Variants in LRMDA observed in about 807,000 individuals in gnomAD.
LRMDA encodes leucine-rich melanocyte differentiation-associated protein.
Under a neutral mutation model 29.8 loss-of-function variants are expected in LRMDA, and 18 were observed. That is an observed-to-expected ratio of 0.60 (90% CI 0.42 to 0.90). LRMDA has a LOEUF of 0.90. Ranked by LOEUF, LRMDA falls within the 40% of genes least tolerant of loss-of-function variation. The pLI, the probability that LRMDA is intolerant of heterozygous loss-of-function variation, is 0.00. For synonymous variants in LRMDA, 125 were observed against 109.4 expected, an observed-to-expected ratio of 1.14 and a Z score of -0.89; for missense variants, 273 against 273.9, an observed-to-expected ratio of 1.00 and a Z score of 0.02.
rs1337955969 is a variant in LRMDA, at chr10:75,584,759, T to C, written c.131+146265T>C. Among the ~76,000 whole-genome samples the C allele has an allele frequency of 2.0e-5, 3 of 152,168 alleles. No individual in the cohort carries two copies. In the East Asian group the frequency reaches 5.8e-4, roughly 29 times the overall value. ...GTCACTGACTGTAGCAGCAGGCAAC[T>C]AATGGCCAACAGCATTCTGACAGTG... is the stretch of plus-strand genomic sequence containing the variant. On this transcript the variant is annotated intron_variant, in intron 2 of 6. Transcript: ENST00000611255.
At chr10:76,223,987 C>T (rs1304725592) in intron 5 of LRMDA, among the ~76,000 whole-genome samples, 4 of 152,132 alleles carry the variant, frequency 2.6e-5, no homozygotes, top group African/African-American at 9.7e-5. Flanking sequence ...TACCTGCCAA[C>T]CATTCTGTTC....
Position 76,549,390 on chromosome 10 carries a change from C to A in LRMDA, c.602-7819C>A, listed in dbSNP as rs1396805836. On this transcript the variant is annotated intron_variant, in intron 6 of 6. Transcript: ENST00000611255. ...TGACAAGGCCCAGCATTTGTCTGAG[C>A]AGGCTGTATAATCTGTCCTCTCCCA... is the stretch of plus-strand genomic sequence containing the variant. Among the ~76,000 whole-genome samples the A allele has an allele frequency of 2.6e-5, 4 of 152,306 alleles. No homozygotes were observed. In the East Asian group the frequency reaches 7.7e-4, roughly 29 times the overall value.
In LRMDA at chr10:76,136,421, T is replaced by G. The variant is rs529313465; in HGVS notation, c.516+77638T>G. On this transcript the variant is annotated intron_variant, in intron 5 of 6. Coordinates refer to ENST00000611255, the MANE Select transcript of LRMDA (RefSeq NM_001305581.2). ...GAAAAAATTCCCCATGGAAACTTTA[T>G]ATTATAAGTTTGTTAAAACTGGCTC... 7.2e-5 allele frequency among the ~76,000 whole-genome samples: 11 copies of G among 152,308 alleles called. No individual in the cohort carries two copies. The East Asian group carries it at 2.1e-3, about 29-fold the overall frequency.
chr10:75,627,634 C>T (rs1332888636), intron 2 of LRMDA, among the ~76,000 whole-genome samples: 1 of 152,104 alleles, frequency 6.6e-6, no homozygotes, highest in East Asian at 1.9e-4. Context: ...CAATCAAAAG[C>T]AAGAGTGGAG....
intron 5 of LRMDA, among the ~76,000 whole-genome samples, chr10:76,281,191 A>T (rs772026778): frequency 8.5e-5 from 13 of 152,186 alleles, no homozygotes; most frequent in Non-Finnish European, 1.8e-4. Context: ...AGGCTGAGGA[A>T]AAGCCAAGGA....
At chr10:76,091,283 G>A (rs1246679776) in intron 5 of LRMDA, among the ~76,000 whole-genome samples, 1,055 of 53,520 alleles carry the variant, frequency 0.02, 9 homozygotes, top group African/African-American at 0.047. Context: ...GGACGTGTGT[G>A]TGTGTGTGTG....
intron 5 of LRMDA, among the ~76,000 whole-genome samples, chr10:76,177,998 G>A (rs1482199553): frequency 1.3e-5 from 2 of 152,200 alleles, no homozygotes; most frequent in Non-Finnish European, 2.9e-5. Flanking sequence ...CACATTGGCT[G>A]TTTGCCATAG....
intron 4 of LRMDA, among the ~76,000 whole-genome samples, chr10:76,053,078 T>C (rs1361914175): frequency 2.6e-5 from 4 of 152,212 alleles, no homozygotes; most frequent in African/African-American, 9.6e-5. Flanking sequence ...GTGTTATTAG[T>C]AGCTGTCTCT....
intron 5 of LRMDA, among the ~76,000 whole-genome samples, chr10:76,150,594 A>G (rs1333125321): frequency 1.3e-5 from 2 of 152,112 alleles, no homozygotes; most frequent in Non-Finnish European, 2.9e-5. Flanking sequence ...CATTAAGCGG[A>G]TGTTTGTGTG....
intron 2 of LRMDA, among the ~76,000 whole-genome samples, chr10:75,968,247 C>T (rs140529560): frequency 4.6e-5 from 7 of 152,078 alleles, no homozygotes; most frequent in East Asian, 1.9e-4. Flanking sequence ...GGGACCCTTC[C>T]GGAGGAGTGG....
chr10:75,804,583 G>T (rs1219272216), intron 2 of LRMDA, among the ~76,000 whole-genome samples: 1 of 152,154 alleles, frequency 6.6e-6, no homozygotes, highest in Non-Finnish European at 1.5e-5. Flanking sequence ...TTTCCTCCTG[G>T]CCCTGGCTGA....
rs996813810 is a variant in LRMDA at position 76,240,476 on chromosome 10, T to A, written c.517-83925T>A. On this transcript the variant is annotated intron_variant, in intron 5 of 6. Coordinates refer to ENST00000611255, the MANE Select transcript of LRMDA (RefSeq NM_001305581.2). ...GTTATATATTATATATATGTTATAT[T>A]TATATATGTTGGCATGGATGTGGTG... is the stretch of plus-strand genomic sequence containing the variant. Among the ~76,000 whole-genome samples, 316 of 145,940 alleles carry A rather than the reference T, an allele frequency of 2.2e-3. 2 individuals are homozygous for A. Among genetic ancestry groups the A allele is most frequent in the African/African-American group, 7.4e-3 (286 of 38,624 alleles).
intron 5 of LRMDA, among the ~76,000 whole-genome samples, chr10:76,220,968 T>C (rs1851821825): frequency 1.3e-5 from 2 of 152,060 alleles, no homozygotes; most frequent in South Asian, 4.2e-4. Context: ...TGGTTCAATA[T>C]ATGCAAATCA....
At chr10:76,286,452 A>C (rs1376800959) in intron 5 of LRMDA, among the ~76,000 whole-genome samples, 1 of 152,190 alleles carries the variant, frequency 6.6e-6, no homozygotes, top group Non-Finnish European at 1.5e-5. Flanking sequence ...AGTGGTTTTC[A>C]AACTGCATTT....
intron 6 of LRMDA, among the ~76,000 whole-genome samples, chr10:76,327,545 G>A (rs1173624803): frequency 3.3e-5 from 5 of 152,210 alleles, no homozygotes; most frequent in African/African-American, 1.2e-4. Context: ...GCCATAAGCT[G>A]TTGGGAAGAG....
At chr10:76,252,304 A>T (rs1270744399) in intron 5 of LRMDA, among the ~76,000 whole-genome samples, 5 of 152,224 alleles carry the variant, frequency 3.3e-5, no homozygotes, top group Non-Finnish European at 5.9e-5. Context: ...AGAGGAAAAA[A>T]GGATTGCAGA....
At chr10:76,488,228 A>T (rs1224421210) in intron 6 of LRMDA, among the ~76,000 whole-genome samples, 1 of 151,842 alleles carries the variant, frequency 6.6e-6, no homozygotes, top group Non-Finnish European at 1.5e-5. Flanking sequence ...AAAGACAATA[A>T]ACTACACATA....
At chr10:76,487,368 T>C (rs1042807616) in intron 6 of LRMDA, among the ~76,000 whole-genome samples, 3 of 151,556 alleles carry the variant, frequency 2.0e-5, no homozygotes, top group African/African-American at 7.3e-5. Context: ...AAATGAAAAA[T>C]ACAGGGAAAA....
At chr10:75,854,532 C>A (rs1047880527) in intron 2 of LRMDA, among the ~76,000 whole-genome samples, 1 of 151,964 alleles carries the variant, frequency 6.6e-6, no homozygotes, top group Admixed American at 6.6e-5. Context: ...ATAATCAAGG[C>A]TTTGGAAAAA....
Sources: gnomAD v4.1 joint callset for allele counts (sites outside exome capture counted in the v4.1 genomes callset) on GRCh38, gnomAD v4.1.1 for gene constraint, MANE v1.5 for transcripts, NCBI Gene and HGNC (gene_info 2026-07-23, HGNC 2026-07-21) for gene names.